Variants in NBEA observed in about 807,000 individuals in gnomAD.
The protein encoded by NBEA is neurobeachin.
NBEA carries 44 observed loss-of-function variants against 343.4 expected under a neutral mutation model. That is an observed-to-expected ratio of 0.13 (90% CI 0.10 to 0.16). The LOEUF is 0.16. NBEA is among the 10% of genes least tolerant of loss of function. NBEA has a pLI of 1.00. For synonymous variants in NBEA, 1,175 were observed against 1,238.7 expected (o/e 0.95, Z 1.08); for missense variants, 2,555 against 3,631.3 (o/e 0.70, Z 7.62).
intron 10 of NBEA, among the ~76,000 whole-genome samples, chr13:35,097,450 T>C (rs1292219318): frequency 3.9e-5 from 6 of 152,002 alleles, no homozygotes; most frequent in African/African-American, 1.4e-4. Context: ...TCTATAACAA[T>C]TTATTTTGAG....
At chr13:35,640,157 A>C (rs977283037) in intron 49 of NBEA, among the ~76,000 whole-genome samples, 11 of 152,238 alleles carry the variant, frequency 7.2e-5, no homozygotes, top group Non-Finnish European at 1.5e-5. Context: ...TATATGAATA[A>C]GCAAATGTGC....
At chr13:35,521,529 G>T (rs1332688262) in intron 41 of NBEA, among the ~76,000 whole-genome samples, 1 of 152,194 alleles carries the variant, frequency 6.6e-6, no homozygotes, top group Non-Finnish European at 1.5e-5. Flanking sequence ...AAAGCCATTT[G>T]TCTGGATGTC....
At chr13:35,643,165 T>C (rs1032814114) in intron 49 of NBEA, among the ~76,000 whole-genome samples, 1 of 152,046 alleles carries the variant, frequency 6.6e-6, no homozygotes, top group Non-Finnish European at 1.5e-5. Flanking sequence ...CTTTTCATGC[T>C]GTGGACAAGC....
chr13:35,329,087 G>GA (rs1320263237), intron 36 of NBEA, among the ~76,000 whole-genome samples: 1 of 151,826 alleles, frequency 6.6e-6, no homozygotes, highest in South Asian at 2.1e-4. Context: ...ATCACTGTAT[G>GA]AAAAAATGTT....
At chr13:35,417,661 T>G (rs2044005081) in intron 38 of NBEA, among the ~76,000 whole-genome samples, 1 of 152,182 alleles carries the variant, frequency 6.6e-6, no homozygotes, top group Non-Finnish European at 1.5e-5. Flanking sequence ...TCCAACTATG[T>G]GATCAATTTT....
intron 1 of NBEA, among the ~76,000 whole-genome samples, chr13:34,972,812 C>T (rs1414652403): frequency 6.6e-6 from 1 of 152,072 alleles, no homozygotes; most frequent in Non-Finnish European, 1.5e-5. Context: ...GGTTTTTGTT[C>T]ATATTCTGAA....
At chr13:35,496,509 C>T (rs1001827910) in intron 41 of NBEA, among the ~76,000 whole-genome samples, 1 of 151,360 alleles carries the variant, frequency 6.6e-6, no homozygotes, top group Non-Finnish European at 1.5e-5. Context: ...TGGTGCACAC[C>T]TGTGGTCCCA....
At chr13:35,529,318 A>G (rs566830492) in intron 41 of NBEA, among the ~76,000 whole-genome samples, 10 of 152,204 alleles carry the variant, frequency 6.6e-5, no homozygotes, top group Non-Finnish European at 1.2e-4. Flanking sequence ...ATGATTTATG[A>G]CTTTTAAAGT....
chr13:35,105,541 C>A (rs983540176), intron 11 of NBEA, among the ~76,000 whole-genome samples: 1 of 152,002 alleles, frequency 6.6e-6, no homozygotes, highest in Admixed American at 6.6e-5. Flanking sequence ...GTGAAGAAAG[C>A]GAGCTCATTT....
intron 45 of NBEA, among the ~76,000 whole-genome samples, chr13:35,568,794 A>C (rs1198246507): frequency 1.3e-5 from 2 of 152,190 alleles, no homozygotes; most frequent in Admixed American, 6.5e-5. Flanking sequence ...GCATCACATC[A>C]GTGCTTAAAA....
chr13:35,501,881 C>T (rs1221156588), intron 41 of NBEA, among the ~76,000 whole-genome samples: 1 of 152,104 alleles, frequency 6.6e-6, no homozygotes, highest in African/African-American at 2.4e-5. Context: ...GATCCCCTCT[C>T]TGATTTTTTT....
At chr13:35,385,159 G>A (rs563148944) in intron 38 of NBEA, among the ~76,000 whole-genome samples, 1 of 152,192 alleles carries the variant, frequency 6.6e-6, no homozygotes, top group East Asian at 1.9e-4. Flanking sequence ...AAATAGTTCA[G>A]CTTTTTTAGA....
intron 18 of NBEA, among the ~76,000 whole-genome samples, chr13:35,145,110 T>C (rs555235765): frequency 1.3e-5 from 2 of 152,212 alleles, no homozygotes; most frequent in Admixed American, 6.5e-5. Context: ...TTTATTACTG[T>C]GCAAACCCCT....
chr13:35,612,454 T>A (rs530278341), intron 48 of NBEA, among the ~76,000 whole-genome samples: 1 of 152,264 alleles, frequency 6.6e-6, no homozygotes. Flanking sequence ...ATATATTCCC[T>A]AGTGACTAAT....
At chr13:35,521,169 A>G (rs977565788) in intron 41 of NBEA, among the ~76,000 whole-genome samples, 2 of 151,810 alleles carry the variant, frequency 1.3e-5, no homozygotes, top group Non-Finnish European at 2.9e-5. Flanking sequence ...TTTTATTAAT[A>G]TTTATGAATA....
chr13:34,996,310 A>G (rs2060938957), intron 1 of NBEA, among the ~76,000 whole-genome samples: 1 of 152,168 alleles, frequency 6.6e-6, no homozygotes. Flanking sequence ...TAGAGTCTTT[A>G]TTATTTATTT....
At chr13:35,238,778 G>A (rs1337779318) in intron 34 of NBEA, among the ~76,000 whole-genome samples, 1 of 151,992 alleles carries the variant, frequency 6.6e-6, no homozygotes, top group East Asian at 1.9e-4. Context: ...TACTTTTGGT[G>A]GCATCAATAA....
chr13:35,048,020 A>G (rs2062926609), intron 4 of NBEA, among the ~76,000 whole-genome samples: 1 of 151,790 alleles, frequency 6.6e-6, no homozygotes, highest in South Asian at 2.1e-4. Context: ...GGTTATAAAT[A>G]TCAGTAGTTA....
At chr13:35,410,806 C>T (rs867129754) in intron 38 of NBEA, among the ~76,000 whole-genome samples, 13 of 152,078 alleles carry the variant, frequency 8.5e-5, no homozygotes, top group Non-Finnish European at 7.4e-5. Context: ...ATGATGCACT[C>T]CTGCTGATTT....
Sources: allele counts gnomAD v4.1 joint callset (sites outside exome capture counted in the v4.1 genomes callset), GRCh38; gene constraint gnomAD v4.1.1; transcripts MANE v1.5; gene names NCBI Gene and HGNC (gene_info 2026-07-23, HGNC 2026-07-21).